SMARCC1: variants seen among roughly 807,000 people sequenced by gnomAD.
SMARCC1 encodes SWI/SNF related BAF chromatin remodeling complex subunit C1.
SMARCC1 carries 43 observed loss-of-function variants against 147.4 expected under a neutral mutation model. The ratio of observed to expected loss-of-function variants is 0.29; its 90% CI spans 0.23 to 0.38. SMARCC1 has a LOEUF of 0.38. SMARCC1 is among the 10% of genes least tolerant of loss of function. The probability of loss-of-function intolerance (pLI) is 1.00; values close to 1 mark genes in which losing one functional copy is unlikely to be tolerated. For synonymous variants in SMARCC1, 495 were observed against 484.4 expected (o/e 1.02, Z -0.29); for missense variants, 1,119 against 1,381.1 (o/e 0.81, Z 3.01).
intron 1 of SMARCC1, among the ~76,000 whole-genome samples, chr3:47,781,105 G>T (rs2035040986): frequency 6.6e-6 from 1 of 152,132 alleles, no homozygotes; most frequent in African/African-American, 2.4e-5. Context: ...TAGAACCGTC[G>T]TTAATAGTTC....
chr3:47,755,029 C>A (rs2034673944), intron 2 of SMARCC1, among the ~76,000 whole-genome samples: 1 of 151,872 alleles, frequency 6.6e-6, no homozygotes, highest in Admixed American at 6.6e-5. Flanking sequence ...GATGACAGAG[C>A]AAGACTCTGT....
intron 24 of SMARCC1, among the ~76,000 whole-genome samples, chr3:47,623,134 CTTTTTTTTTTT>C (rs763911271): frequency 3.0e-5 from 2 of 67,474 alleles, no homozygotes; most frequent in African/African-American, 6.1e-5. Context: ...CTACACAAGG[CTTTTTTTTTTT>C]TTTTTTTTTT....
intron 7 of SMARCC1, among the ~76,000 whole-genome samples, chr3:47,716,127 G>A (rs1321273823): frequency 6.6e-6 from 1 of 151,220 alleles, no homozygotes; most frequent in Non-Finnish European, 1.5e-5. Context: ...AAAAGAATAT[G>A]GAACCTGGCC....
At chr3:47,708,083 CTTTTTTTTTTTTTTTT>C (rs915291740) in intron 9 of SMARCC1, among the ~76,000 whole-genome samples, 4 of 64,270 alleles carry the variant, frequency 6.2e-5, no homozygotes, top group South Asian at 5.5e-4. Context: ...AATTTTTTTT[CTTTTTTTTTTTTTTTT>C]TTTTTTTTTT....
chr3:47,657,637 TAAAAAC>T (rs1202794821), intron 21 of SMARCC1, among the ~76,000 whole-genome samples: 2 of 151,536 alleles, frequency 1.3e-5, no homozygotes, highest in Non-Finnish European at 2.9e-5. Flanking sequence ...CATCTCTACT[TAAAAAC>T]ACACACACAC....
At chr3:47,623,072 AT>A (rs1231746911) in intron 24 of SMARCC1, among the ~76,000 whole-genome samples, 2 of 131,722 alleles carry the variant, frequency 1.5e-5, no homozygotes, top group Non-Finnish European at 3.1e-5. Context: ...TCCCAGCACC[AT>A]TTTTCATTCA....
At chr3:47,739,344 A>G (rs945758064) in intron 3 of SMARCC1, among the ~76,000 whole-genome samples, 44 of 152,178 alleles carry the variant, frequency 2.9e-4, no homozygotes, top group African/African-American at 1.0e-3. Flanking sequence ...TTTTTGAGGC[A>G]GAGTCTCACT....
intron 2 of SMARCC1, among the ~76,000 whole-genome samples, chr3:47,757,857 T>C (rs532828177): frequency 2.0e-5 from 3 of 151,316 alleles, no homozygotes; most frequent in Admixed American, 6.6e-5. Context: ...GGAGTATAAA[T>C]TGGTAGAACT....
At chr3:47,714,920 G>A (rs971276536) in intron 7 of SMARCC1, among the ~76,000 whole-genome samples, 5 of 152,054 alleles carry the variant, frequency 3.3e-5, no homozygotes, top group African/African-American at 9.7e-5. Flanking sequence ...CACCAGTAAC[G>A]TATATATTGC....
chr3:47,680,768 C>T (rs189877749), intron 14 of SMARCC1, among the ~76,000 whole-genome samples: 5 of 149,130 alleles, frequency 3.4e-5, no homozygotes, highest in Non-Finnish European at 3.0e-5. Context: ...GGGATGGTCT[C>T]GATCTCCTGA....
At chr3:47,717,652 C>T (rs1352644514) in intron 7 of SMARCC1, among the ~76,000 whole-genome samples, 9 of 152,124 alleles carry the variant, frequency 5.9e-5, no homozygotes, top group Admixed American at 5.9e-4. Flanking sequence ...CAGCCTCAAC[C>T]TCTGGGGCTC....
intron 15 of SMARCC1, among the ~76,000 whole-genome samples, chr3:47,678,609 G>A (rs562332390): frequency 3.9e-5 from 6 of 152,306 alleles, no homozygotes; most frequent in South Asian, 2.1e-4. Context: ...AAACTAACAC[G>A]TGGTTACATA....
At chr3:47,658,306 C>T (rs2033290019) in intron 21 of SMARCC1, among the ~76,000 whole-genome samples, 1 of 152,176 alleles carries the variant, frequency 6.6e-6, no homozygotes, top group Non-Finnish European at 1.5e-5. Context: ...ATATAAAATT[C>T]ACCCATTGAA....
At chr3:47,725,032 CA>C (rs35548192) in intron 6 of SMARCC1, among the ~76,000 whole-genome samples, 724 of 31,650 alleles carry the variant, frequency 0.023, 3 homozygotes, top group African/African-American at 0.077. Flanking sequence ...ACTGTCTCCA[CA>C]AAAAAAAAAA....
At chr3:47,760,617 T>C (rs1269921122) in intron 2 of SMARCC1, among the ~76,000 whole-genome samples, 2 of 152,108 alleles carry the variant, frequency 1.3e-5, no homozygotes, top group Non-Finnish European at 2.9e-5. Context: ...TGAGCCAAGA[T>C]TGTGCTACTG....
chr3:47,747,155 G>C (rs1464902705), intron 2 of SMARCC1, among the ~76,000 whole-genome samples: 3 of 151,870 alleles, frequency 2.0e-5, no homozygotes, highest in Non-Finnish European at 2.9e-5. Context: ...AATTAGGCCA[G>C]GTGCAGGAGT....
intron 24 of SMARCC1, among the ~76,000 whole-genome samples, chr3:47,633,981 A>G (rs2032935237): frequency 6.6e-6 from 1 of 151,982 alleles, no homozygotes; most frequent in African/African-American, 2.4e-5. Context: ...GCAATGAAAG[A>G]GCAAAACCGG....
intron 19 of SMARCC1, among the ~76,000 whole-genome samples, chr3:47,663,323 C>T (rs147101113): frequency 2.7e-5 from 4 of 150,348 alleles, no homozygotes; most frequent in Admixed American, 2.7e-4. Context: ...TCTAAGGAAG[C>T]TATAAAAAAA....
In SMARCC1 at chr3:47,714,794, G is replaced by GAAACA. The variant is rs200780386; in HGVS notation, c.717-309_717-305dup. On this transcript the variant is annotated intron_variant, in intron 7 of 27. Transcript: ENST00000254480. The stretch of plus-strand genomic sequence containing the variant: ...AGGCAACAGAGTGATACCCTATCTC[G>GAAACA]AAACAAAACAAAACAAAACAAAAAA... Among the ~76,000 whole-genome samples, 53 of 151,904 alleles carry GAAACA rather than the reference G, an allele frequency of 3.5e-4. 1 individual carries two copies. The East Asian group carries it at 9.1e-3, about 26-fold the overall frequency.
Sources: gnomAD v4.1 joint callset for allele counts (sites outside exome capture counted in the v4.1 genomes callset) on GRCh38, gnomAD v4.1.1 for gene constraint, MANE v1.5 for transcripts, NCBI Gene and HGNC (gene_info 2026-07-23, HGNC 2026-07-21) for gene names.